HSF2: variants seen among roughly 807,000 people sequenced by gnomAD.
The protein encoded by HSF2 is heat shock transcription factor 2.
HSF2 carries 21 observed loss-of-function variants against 65.0 expected under a neutral mutation model. The observed-to-expected ratio is 0.32, with a 90% CI of 0.23 to 0.47. The LOEUF (loss-of-function observed/expected upper bound fraction) is 0.47, where lower values mean the gene tolerates loss of function less well. Ranked by LOEUF, HSF2 falls within the 20% of genes least tolerant of loss-of-function variation. HSF2 has a pLI of 1.00. For synonymous variants in HSF2, 225 were observed against 219.1 expected (o/e 1.03, Z -0.24); for missense variants, 499 against 628.1 (o/e 0.79, Z 2.20).
chr6:122,432,820 A>G lies in HSF2; in HGVS notation c.*600A>G, dbSNP rs1402666295. ...CGCTGTCTGATAGGGTTCCAGCTCC[A>G]TATATATAGAAAGATCGGGGGTGGG... On this transcript the variant is annotated 3_prime_UTR_variant, in exon 13 of 13. Coordinates refer to ENST00000368455, the MANE Select transcript of HSF2 (RefSeq NM_004506.4). 6.6e-6 allele frequency: 1 copy of G among 152,362 alleles called. No individual in the cohort carries two copies. The highest frequency in any genetic ancestry group is 1.9e-4 in the East Asian group (1 of 5,192). The allele number at this position is 152,362 out of a possible 1,614,324, so 9.4% of individuals were successfully genotyped here.
At chr6:122,411,941 G>C (rs955631838) in intron 1 of HSF2, among the ~76,000 whole-genome samples, 1 of 151,758 alleles carries the variant, frequency 6.6e-6, no homozygotes, top group African/African-American at 2.4e-5. Flanking sequence ...ATTTTACAAA[G>C]ATACAATTAT....
chr6:122,431,516 T>C lies in HSF2; in HGVS notation c.1315+2T>C. On this transcript the variant is annotated splice_donor_variant, in intron 12 of 12. Transcript: ENST00000368455. LOFTEE classifies it high-confidence loss of function. ...GAAGAAAATCTAAATCCAAACCAGGTAGGTATAAATATAGTATTCAGTCTC... is the reference window on the plus strand; with the variant it reads ...GAAGAAAATCTAAATCCAAACCAGGCAGGTATAAATATAGTATTCAGTCTC... 1 of 1,513,992 alleles carries C rather than the reference T, an allele frequency of 6.6e-7. No individual in the cohort carries two copies. The highest frequency in any genetic ancestry group is 9.1e-7 in the Non-Finnish European group (1 of 1,094,136). The allele number at this position is 1,513,992 out of a possible 1,614,324, so 93.8% of individuals were successfully genotyped here.
chr6:122,413,380 C>G, intron 3 of HSF2, 145 bp from the exon 4 acceptor site: 1 of 601,660 alleles, frequency 1.7e-6, no homozygotes. Flanking sequence ...GAAGTTTATT[C>G]TTTCCCTAGC....
At chr6:122,409,577 T>C (rs1773944413) in intron 1 of HSF2, among the ~76,000 whole-genome samples, 1 of 152,090 alleles carries the variant, frequency 6.6e-6, no homozygotes, top group African/African-American at 2.4e-5. Context: ...ATTTTGATAA[T>C]TACCTAGTTG....
At chr6:122,406,347 G>T (rs1773866601) in intron 1 of HSF2, among the ~76,000 whole-genome samples, 1 of 152,132 alleles carries the variant, frequency 6.6e-6, no homozygotes, top group Non-Finnish European at 1.5e-5. Context: ...AAAAGGTAAG[G>T]CCTTGAATGT....
At chr6:122,427,879 CA>C in intron 10 of HSF2, 23 bp from the exon 11 acceptor site, 1 of 1,552,904 alleles carries the variant, frequency 6.4e-7, no homozygotes, top group Admixed American at 1.7e-5. Flanking sequence ...TTAAACTTAT[CA>C]TCTTTCTTGT....
intron 1 of HSF2, among the ~76,000 whole-genome samples, chr6:122,400,918 A>C (rs1366207998): frequency 1.3e-5 from 2 of 152,220 alleles, no homozygotes; most frequent in African/African-American, 2.4e-5. Context: ...AGTAAATGTT[A>C]TCTCCCGTCC....
rs773244630 is a variant in HSF2, at chr6:122,416,212, A to G, written c.456-9A>G. ...TTTTTGTTTTGTTGCTTAATAAATTATAACATAGTGAGAATGAGTCCCTTT... is the reference window on the plus strand; with the variant it reads ...TTTTTGTTTTGTTGCTTAATAAATTGTAACATAGTGAGAATGAGTCCCTTT... On this transcript the variant is annotated splice_polypyrimidine_tract_variant and intron_variant, in intron 4 of 12. Transcript: ENST00000368455. 1.9e-6 allele frequency: 3 copies of G among 1,569,044 alleles called. No homozygotes were observed. In the South Asian group the frequency reaches 3.4e-5, roughly 18 times the overall value.
At chr6:122,409,815 G>A (rs1183191229) in intron 1 of HSF2, among the ~76,000 whole-genome samples, 1 of 151,688 alleles carries the variant, frequency 6.6e-6, no homozygotes, top group Non-Finnish European at 1.5e-5. Context: ...ATGTCTTCTG[G>A]GTTTATTATG....
At chr6:122,406,718 AGAT>A (rs1773875552) in intron 1 of HSF2, among the ~76,000 whole-genome samples, 1 of 152,210 alleles carries the variant, frequency 6.6e-6, no homozygotes, top group Non-Finnish European at 1.5e-5. Context: ...TGCTGAGGAA[AGAT>A]GTTAGAGATT....
chr6:122,427,874 C>G (rs1274604488), intron 10 of HSF2, 29 bp from the exon 11 acceptor site: 2 of 1,540,926 alleles, frequency 1.3e-6, no homozygotes, highest in East Asian at 4.5e-5. Flanking sequence ...ATTTTTTAAA[C>G]TTATCATCTT....
At chr6:122,406,883 A>G (rs950861020) in intron 1 of HSF2, among the ~76,000 whole-genome samples, 4 of 152,210 alleles carry the variant, frequency 2.6e-5, no homozygotes, top group African/African-American at 9.7e-5. Flanking sequence ...GTGCTAGAAA[A>G]AAAAACAGGA....
chr6:122,410,372 T>C (rs1376424333), intron 1 of HSF2, among the ~76,000 whole-genome samples: 3 of 151,916 alleles, frequency 2.0e-5, no homozygotes, highest in African/African-American at 7.2e-5. Context: ...AACATTTTTC[T>C]ATTATTATTG....
At chr6:122,428,470 A>G (rs548653628) in intron 11 of HSF2, among the ~76,000 whole-genome samples, 1 of 152,068 alleles carries the variant, frequency 6.6e-6, no homozygotes, top group South Asian at 2.1e-4. Context: ...TAGGAACTGC[A>G]CTTGGGCTTA....
At chr6:122,420,796 C>T (rs45527837) in intron 7 of HSF2, among the ~76,000 whole-genome samples, 1,784 of 136,666 alleles carry the variant, frequency 0.013, 42 homozygotes, top group African/African-American at 0.046. Flanking sequence ...ACTGCAGCCT[C>T]CACCTCCTGG....
chr6:122,420,579 C>T (rs1774209280), intron 7 of HSF2, among the ~76,000 whole-genome samples: 1 of 148,606 alleles, frequency 6.7e-6, no homozygotes, highest in Non-Finnish European at 1.5e-5. Context: ...TATTATTTTG[C>T]ATATATCTAA....
intron 1 of HSF2, among the ~76,000 whole-genome samples, chr6:122,407,008 T>C (rs181835383): frequency 7.2e-5 from 11 of 152,282 alleles, no homozygotes; most frequent in African/African-American, 2.4e-4. Flanking sequence ...ACCTTGTAAC[T>C]GGTAAAGCCA....
intron 11 of HSF2, among the ~76,000 whole-genome samples, chr6:122,428,668 T>C (rs1482053998): frequency 2.0e-5 from 3 of 151,996 alleles, no homozygotes; most frequent in Non-Finnish European, 4.4e-5. Flanking sequence ...GTAAATCAAG[T>C]CCAGATTCCA....
At chr6:122,412,014 ATT>A (rs1352968005) in intron 1 of HSF2, among the ~76,000 whole-genome samples, 1 of 150,152 alleles carries the variant, frequency 6.7e-6, no homozygotes, top group African/African-American at 2.4e-5. Context: ...TTTTTTTTTT[ATT>A]TTGGTCTTAA....
Sources: gnomAD v4.1 joint callset for allele counts (sites outside exome capture counted in the v4.1 genomes callset) on GRCh38, gnomAD v4.1.1 for gene constraint, MANE v1.5 for transcripts, NCBI Gene and HGNC (gene_info 2026-07-23, HGNC 2026-07-21) for gene names.